The following HELQ variants were observed in gnomAD, a reference collection of about 807,000 sequenced individuals.
The protein encoded by HELQ is helicase POLQ-like.
In HELQ, 77 loss-of-function variants were observed where a neutral mutation model predicts 111.6. The observed-to-expected ratio is 0.69, with a 90% CI of 0.57 to 0.83. HELQ has a LOEUF of 0.83. Ranked by LOEUF, HELQ falls within the 40% of genes least tolerant of loss-of-function variation. The pLI, the probability that HELQ is intolerant of heterozygous loss-of-function variation, is 0.00. For missense variants in HELQ, 1,200 were observed against 1,288.5 expected (o/e 0.93, Z 1.05); for synonymous variants, 438 against 454.7 (o/e 0.96, Z 0.47).
chr4:83,447,424 T>G (rs995988049), intron 3 of HELQ, among the ~76,000 whole-genome samples: 1 of 152,014 alleles, frequency 6.6e-6, no homozygotes, highest in Non-Finnish European at 1.5e-5. Context: ...TCAAAAAAGC[T>G]AAAGTAGTGT....
intron 17 of HELQ, among the ~76,000 whole-genome samples, chr4:83,410,773 A>C (rs1739043602): frequency 6.6e-6 from 1 of 152,120 alleles, no homozygotes; most frequent in Non-Finnish European, 1.5e-5. Context: ...GTCTCAGTTT[A>C]AGAAAGGCCT....
intron 9 of HELQ, among the ~76,000 whole-genome samples, chr4:83,434,471 A>ATT (rs571676882): frequency 6.7e-5 from 10 of 148,432 alleles, no homozygotes; most frequent in African/African-American, 2.5e-4. Context: ...TTAAAAACTC[A>ATT]TTTTTTTTTT....
intron 15 of HELQ, among the ~76,000 whole-genome samples, chr4:83,418,570 A>C (rs997499814): frequency 3.3e-5 from 5 of 152,248 alleles, no homozygotes; most frequent in Non-Finnish European, 1.5e-5. Flanking sequence ...AAATATGGAA[A>C]TATTCAAATG....
intron 17 of HELQ, among the ~76,000 whole-genome samples, chr4:83,409,437 C>G (rs1337354127): frequency 6.6e-6 from 1 of 151,934 alleles, no homozygotes; most frequent in South Asian, 2.1e-4. Context: ...GCCTGTAGTC[C>G]GAGCTACTTA....
chr4:83,416,837 C>A lies in HELQ; in HGVS notation c.3092G>T (p.Gly1031Val). Reference sequence around the variant, plus strand: ...AGCTAAGTGCATTAGACTTTTGTAACCTGCACTGTATAACTGTTTTGCTCG... The same window carrying A: ...AGCTAAGTGCATTAGACTTTTGTAAACTGCACTGTATAACTGTTTTGCTCG... The part of the protein sequence containing the change: ...EGRAKQLYSA[G>V]YKSLMHLANA... Residue 1031 changes from glycine (G) to valine (V), a missense_variant, in exon 17 of 18, where the codon GGT (glycine) becomes GTT (valine). Transcript: ENST00000295488. 3.7e-6 allele frequency: 6 copies of A among 1,613,352 alleles called. No individual in the cohort carries two copies. Among genetic ancestry groups the A allele is most frequent in the South Asian group, 1.1e-5 (1 of 90,932 alleles).
At chr4:83,442,885 TA>T (rs1426005765) in intron 6 of HELQ, among the ~76,000 whole-genome samples, 3 of 152,062 alleles carry the variant, frequency 2.0e-5, no homozygotes, top group Non-Finnish European at 4.4e-5. Flanking sequence ...ATTTGGCAAT[TA>T]AAAAAATATT....
Position 83,448,944 on chromosome 4 carries a change from A to G in HELQ, c.1030T>C (p.Leu344=), listed in dbSNP as rs1721203489. 6.3e-7 allele frequency: 1 copy of G among 1,599,210 alleles called. No individual in the cohort carries two copies. ...CTTTCTTGCACAGAATTCAATGTTA[A>G]ACAAGTATGTTGCCATTCTGTGGAA... is the stretch of plus-strand genomic sequence containing the variant. ...EKLYEWQHTC[L]TLNSVQERKN... is the part of the protein sequence containing the mutation. Residue 344 remains leucine, a synonymous_variant, in exon 3 of 18, where the codon TTA becomes CTA. Coordinates refer to ENST00000295488, the MANE Select transcript of HELQ (RefSeq NM_133636.5).
intron 15 of HELQ, among the ~76,000 whole-genome samples, chr4:83,421,306 T>A (rs1441072136): frequency 6.6e-6 from 1 of 152,200 alleles, no homozygotes; most frequent in Non-Finnish European, 1.5e-5. Context: ...GCTTTAAGAG[T>A]TGGGTCAAAA....
In HELQ at chr4:83,444,967, A is replaced by AT. The variant is rs769395162; in HGVS notation, c.1465+1046dup. Among the ~76,000 whole-genome samples the AT allele has an allele frequency of 9.8e-5, 15 of 152,330 alleles. 1 individual carries two copies. Among genetic ancestry groups the AT allele is most frequent in the Admixed American group, 8.5e-4 (13 of 15,298 alleles). On this transcript the variant is annotated intron_variant, in intron 5 of 17. Transcript: ENST00000295488. ...AGTGGGTACACAGAAGAACTTGGTG[A>AT]TTTCTGTGGCAATCCAGGTAGAAAG...
chr4:83,413,878 C>G (rs1379953434), intron 17 of HELQ, among the ~76,000 whole-genome samples: 3 of 152,202 alleles, frequency 2.0e-5, no homozygotes, highest in Non-Finnish European at 4.4e-5. Flanking sequence ...AGTGAGTCAC[C>G]TGGGTCATCC....
chr4:83,453,267 G>A lies in HELQ; in HGVS notation c.976C>T (p.Leu326Phe), dbSNP rs1347780955. 1 of 1,612,674 alleles carries A rather than the reference G, an allele frequency of 6.2e-7. No individual in the cohort carries two copies. Among genetic ancestry groups the A allele is most frequent in the Non-Finnish European group, 8.5e-7 (1 of 1,179,492 alleles). ...TCAATTCCCTTGAATTGGGCATAAA[G>A]GTCTCTCACTTTGCTGGGTAATGAA... is the stretch of plus-strand genomic sequence containing the variant. Reference protein sequence around the residue: ...FYSLPSKVRDLYAQFKGIEKL... With the variant: ...FYSLPSKVRDFYAQFKGIEKL... The change falls in exon 2 of 18, where the codon CTT (leucine) becomes TTT (phenylalanine). Residue 326 changes from leucine (L) to phenylalanine (F), a missense_variant. Transcript: ENST00000295488.
At position 83,437,078 on chromosome 4, in the gene HELQ, C is replaced by T; in HGVS notation, c.1828G>A (p.Glu610Lys). 2.5e-6 allele frequency: 4 copies of T among 1,613,374 alleles called. No individual in the cohort carries two copies. Among genetic ancestry groups the T allele is most frequent in the Admixed American group, 1.7e-5 (1 of 59,998 alleles). ...TTAATCACCTCACATTTTTCTTTCT[C>T]CTTATGTTTCAGATATTCCCTATGA... ...FLSKEYLKHKEKEKCEVIKNL... is the reference protein window; with the variant it reads ...FLSKEYLKHKKKEKCEVIKNL... The change falls in exon 9 of 18, where the codon GAG becomes AAG. Residue 610 changes from glutamate (E) to lysine (K), a missense_variant. Glu to Lys is a moderately conservative substitution (Grantham distance 56, BLOSUM62 1). Coordinates refer to ENST00000295488, the MANE Select transcript of HELQ (RefSeq NM_133636.5).
Position 83,453,531 on chromosome 4 carries a change from T to G in HELQ, c.712A>C (p.Asn238His). Residue 238 changes from asparagine (N) to histidine (H), a missense_variant, in exon 2 of 18, where the codon AAT (asparagine) becomes CAT (histidine). By Grantham distance (68) the Asn-to-His change is moderately conservative. Coordinates refer to ENST00000295488, the MANE Select transcript of HELQ (RefSeq NM_133636.5). ...HNTVNEELPH[N>H]CIEQPQQNDE... is the part of the protein sequence containing the mutation. Reference sequence around the variant, plus strand: ...TTTTGCTGGGGTTGCTCTATGCAATTATGGGGCAGTTCCTCATTCACAGTG... The same window carrying G: ...TTTTGCTGGGGTTGCTCTATGCAATGATGGGGCAGTTCCTCATTCACAGTG... 6.2e-7 allele frequency: 1 copy of G among 1,613,856 alleles called. No homozygotes were observed. Among genetic ancestry groups the G allele is most frequent in the African/African-American group, 1.3e-5 (1 of 75,036 alleles).
At position 83,407,433 on chromosome 4, in the gene HELQ, A is replaced by G. The variant is rs757124030; in HGVS notation, c.*20T>C. 2 of 1,468,516 alleles carry G rather than the reference A, an allele frequency of 1.4e-6. No individual in the cohort carries two copies. The highest frequency in any genetic ancestry group is 1.2e-5 in the South Asian group (1 of 80,216). 91.0% of individuals were successfully genotyped at this position (1,468,516 alleles called of 1,614,324 possible). On this transcript the variant is annotated 3_prime_UTR_variant, in exon 18 of 18. Coordinates refer to ENST00000295488, the MANE Select transcript of HELQ (RefSeq NM_133636.5). ...ATGTACAATAAATAATTCATATATG[A>G]AAATTCTCATCAGATAGCTTCATGC... is the stretch of plus-strand genomic sequence containing the variant.
At position 83,418,189 on chromosome 4, in the gene HELQ, C is replaced by T. The variant is rs1015753704; in HGVS notation, c.2967G>A (p.Trp989Ter). ...LHFCEELEEFWVYRALLVELT... is the reference protein window; with the variant it reads ...LHFCEELEEF ...GTTCTACCAAAAGGGCTCTGTAAACCCAAAACTCCTCAAGCTCCTGTAGAA... is the reference window on the plus strand; with the variant it reads ...GTTCTACCAAAAGGGCTCTGTAAACTCAAAACTCCTCAAGCTCCTGTAGAA... Residue 989 changes from tryptophan (W) to a stop codon, truncating the protein, a stop_gained, in exon 16 of 18, where the codon TGG becomes TGA. Transcript: ENST00000295488. LOFTEE classifies it high-confidence loss of function. The T allele has an allele frequency of 6.3e-7, 1 of 1,595,662 alleles. No homozygotes were observed. The highest frequency in any genetic ancestry group is 1.3e-5 in the African/African-American group (1 of 74,232).
At chr4:83,420,076 T>C (rs1739586800) in intron 15 of HELQ, among the ~76,000 whole-genome samples, 1 of 152,110 alleles carries the variant, frequency 6.6e-6, no homozygotes, top group Non-Finnish European at 1.5e-5. Flanking sequence ...TGCCACCCAA[T>C]AAGAAGAAAT....
intron 17 of HELQ, among the ~76,000 whole-genome samples, chr4:83,409,986 C>A (rs1738999591): frequency 6.6e-6 from 1 of 152,134 alleles, no homozygotes; most frequent in South Asian, 2.1e-4. Flanking sequence ...CATGGTGGCT[C>A]AGACCTATAA....
intron 2 of HELQ, among the ~76,000 whole-genome samples, chr4:83,449,252 T>G (rs1398646848): frequency 6.6e-6 from 1 of 152,096 alleles, no homozygotes; most frequent in Non-Finnish European, 1.5e-5. Context: ...GGACAAGGAG[T>G]GCCATCTGAG....
At chr4:83,434,311 C>T (rs1213203409) in intron 9 of HELQ, among the ~76,000 whole-genome samples, 1 of 152,140 alleles carries the variant, frequency 6.6e-6, no homozygotes, top group Non-Finnish European at 1.5e-5. Flanking sequence ...ACAGAGGTTG[C>T]AGTGAGCCGA....
Sources: allele counts gnomAD v4.1 joint callset (sites outside exome capture counted in the v4.1 genomes callset), GRCh38; gene constraint gnomAD v4.1.1; transcripts MANE v1.5; gene names NCBI Gene and HGNC (gene_info 2026-07-23, HGNC 2026-07-21).